NFIL3: variants seen among roughly 807,000 people sequenced by gnomAD.
NFIL3 encodes nuclear factor interleukin-3-regulated protein.
NFIL3 carries 5 observed loss-of-function variants against 10.0 expected under a neutral mutation model. That is an observed-to-expected ratio of 0.50 (90% CI 0.26 to 1.06). The LOEUF is 1.06. Ranked by LOEUF, NFIL3 falls within the 50% of genes least tolerant of loss-of-function variation. NFIL3 has a pLI of 0.13. For synonymous variants in NFIL3, 202 were observed against 206.5 expected (o/e 0.98, Z 0.19); for missense variants, 436 against 547.6 (o/e 0.80, Z 2.03).
the NFIL3 span, among the ~76,000 whole-genome samples, chr9:91,473,767 G>C: frequency 6.6e-6 from 1 of 152,256 alleles, no homozygotes; most frequent in East Asian, 1.9e-4. Context: ...AGTTAGAAAT[G>C]TAGAAATCAC....
chr9:91,443,024 G>T, the NFIL3 span, among the ~76,000 whole-genome samples: 1 of 152,184 alleles, frequency 6.6e-6, no homozygotes, highest in Non-Finnish European at 1.5e-5. Context: ...TAGCTTCACT[G>T]AATGACAGAA....
chr9:91,439,516 G>A, the NFIL3 span, among the ~76,000 whole-genome samples: 10 of 152,112 alleles, frequency 6.6e-5, no homozygotes, highest in Non-Finnish European at 1.3e-4. Flanking sequence ...GTGTGTGCGT[G>A]TTTGATTGCT....
chr9:91,409,972 A>T lies in NFIL3; in HGVS notation c.763T>A (p.Tyr255Asn), dbSNP rs1564154584. Residue 255 changes from tyrosine to asparagine, a missense_variant, in exon 2 of 2, where the codon TAC (tyrosine) becomes AAC (asparagine). By Grantham distance (143) the Tyr-to-Asn change is moderately radical. Transcript: ENST00000297689. ...TGCAGTAGTGGGGGAGAGTGTGAGTACCCAGAGAAAGAATTCCCCATATAG... is the reference window on the plus strand; with the variant it reads ...TGCAGTAGTGGGGGAGAGTGTGAGTTCCCAGAGAAAGAATTCCCCATATAG... ...QNYMGNSFSGYSHSPPLLQVN... is the reference protein window; with the variant it reads ...QNYMGNSFSGNSHSPPLLQVN... 6.2e-7 allele frequency: 1 copy of T among 1,613,410 alleles called. No homozygotes were observed. The highest frequency in any genetic ancestry group is 1.3e-5 in the African/African-American group (1 of 74,970).
chr9:91,456,038 C>A, the NFIL3 span, among the ~76,000 whole-genome samples: 1 of 152,212 alleles, frequency 6.6e-6, no homozygotes, highest in African/African-American at 2.4e-5. Flanking sequence ...AACCACACAA[C>A]TTTCCTACTT....
At chr9:91,443,363 G>T in the NFIL3 span, among the ~76,000 whole-genome samples, 2 of 152,192 alleles carry the variant, frequency 1.3e-5, no homozygotes, top group Admixed American at 1.3e-4. Flanking sequence ...CTTCACCAGG[G>T]AACAGCCCCT....
the NFIL3 span, among the ~76,000 whole-genome samples, chr9:91,453,914 A>G: frequency 6.6e-6 from 1 of 152,066 alleles, no homozygotes; most frequent in East Asian, 1.9e-4. Context: ...TCAAGAGATT[A>G]AGGCTTGAGA....
At chr9:91,461,081 G>A in the NFIL3 span, among the ~76,000 whole-genome samples, 40 of 152,212 alleles carry the variant, frequency 2.6e-4, no homozygotes, top group African/African-American at 9.1e-4. Context: ...TATCTTGGGT[G>A]GAAACTTGTT....
At position 91,409,666 on chromosome 9, in the gene NFIL3, T is replaced by C. The variant is rs371766156; in HGVS notation, c.1069A>G (p.Met357Val). 3 of 1,614,126 alleles carry C rather than the reference T, an allele frequency of 1.9e-6. No homozygotes were observed. Among genetic ancestry groups the C allele is most frequent in the African/African-American group, 2.7e-5 (2 of 74,950 alleles). ...AGTTCGAAATGTCTTTTAGATGTCA[T>C]GTCAATAGGTGAGGAAAGTTTTTGC... The part of the protein sequence containing the change: ...ATQKLSSPID[M>V]TSKRHFELEK... Residue 357 changes from methionine to valine, a missense_variant, in exon 2 of 2, where the codon ATG becomes GTG. This residue lies in a region of NFIL3 where 338 missense variants were observed against 399.9 expected (regional missense o/e 0.85). Coordinates refer to ENST00000297689, the MANE Select transcript of NFIL3 (RefSeq NM_005384.3).
intron 1 of NFIL3, among the ~76,000 whole-genome samples, chr9:91,421,136 G>A (rs149360127): frequency 0.014 from 2,173 of 151,732 alleles, 76 homozygotes; most frequent in Admixed American, 0.078. Flanking sequence ...CGCAGAACAG[G>A]CGCGGAGTCA....
the NFIL3 span, among the ~76,000 whole-genome samples, chr9:91,455,511 T>C: frequency 6.6e-6 from 1 of 152,226 alleles, no homozygotes; most frequent in Non-Finnish European, 1.5e-5. Context: ...TGATGTCCTT[T>C]TGATAAGCTC....
chr9:91,450,042 A>G, the NFIL3 span, among the ~76,000 whole-genome samples: 6 of 152,096 alleles, frequency 3.9e-5, no homozygotes, highest in Non-Finnish European at 7.4e-5. Flanking sequence ...TATAGTCAAT[A>G]GTAATGTCTT....
At chr9:91,430,200 G>A in the NFIL3 span, among the ~76,000 whole-genome samples, 2,854 of 152,170 alleles carry the variant, frequency 0.019, 56 homozygotes, top group Non-Finnish European at 0.025. Flanking sequence ...ATCTTGTTAC[G>A]CTGCCAGGAT....
At chr9:91,420,577 C>G (rs972685684) in intron 1 of NFIL3, among the ~76,000 whole-genome samples, 1 of 152,184 alleles carries the variant, frequency 6.6e-6, no homozygotes, top group Non-Finnish European at 1.5e-5. Context: ...CTCTTAGGAT[C>G]TGTACCTCAC....
intron 1 of NFIL3, among the ~76,000 whole-genome samples, chr9:91,420,229 T>G (rs1425891993): frequency 1.3e-5 from 2 of 151,964 alleles, no homozygotes; most frequent in Non-Finnish European, 2.9e-5. Flanking sequence ...CGATGGCAAA[T>G]TAAAAAATAT....
chr9:91,432,185 G>A, the NFIL3 span, among the ~76,000 whole-genome samples: 2 of 152,194 alleles, frequency 1.3e-5, no homozygotes. Context: ...TGAGCCATGA[G>A]TGACAGGAGA....
At chr9:91,415,914 G>A (rs370562928) in intron 1 of NFIL3, among the ~76,000 whole-genome samples, 17 of 152,128 alleles carry the variant, frequency 1.1e-4, no homozygotes, top group Non-Finnish European at 1.6e-4. Flanking sequence ...GGCGTGAGCC[G>A]TCACGCCTGG....
At chr9:91,447,120 T>G in the NFIL3 span, among the ~76,000 whole-genome samples, 1 of 152,172 alleles carries the variant, frequency 6.6e-6, no homozygotes, top group Non-Finnish European at 1.5e-5. Context: ...CCGGCCCTGA[T>G]GTTTTCAAGT....
At chr9:91,476,338 T>A in the NFIL3 span, among the ~76,000 whole-genome samples, 2 of 152,262 alleles carry the variant, frequency 1.3e-5, no homozygotes, top group South Asian at 2.1e-4. Flanking sequence ...TTTGGGAGGC[T>A]GAGGCAGGTG....
chr9:91,460,391 C>T, the NFIL3 span, among the ~76,000 whole-genome samples: 1 of 149,862 alleles, frequency 6.7e-6, no homozygotes, highest in South Asian at 2.1e-4. Context: ...TCTCCTGCCT[C>T]AGCCTCCCAA....
Sources: gnomAD v4.1 joint callset for allele counts (sites outside exome capture counted in the v4.1 genomes callset) on GRCh38, gnomAD v4.1.1 for gene constraint, gnomAD v4.1.1 regional missense constraint, MANE v1.5 for transcripts, NCBI Gene and HGNC (gene_info 2026-07-23, HGNC 2026-07-21) for gene names.